Variants in FRMD5 observed in about 807,000 individuals in gnomAD.
FRMD5 encodes the protein FERM domain containing 5.
A neutral mutation model predicts 69.0 loss-of-function variants in FRMD5; 20 were observed. The ratio of observed to expected loss-of-function variants is 0.29; its 90% CI spans 0.20 to 0.42. The LOEUF (loss-of-function observed/expected upper bound fraction) is 0.42. FRMD5 is among the 10% of genes least tolerant of loss of function. The pLI, the probability that FRMD5 is intolerant of heterozygous loss-of-function variation, is 1.00. For missense variants in FRMD5, 595 were observed against 708.6 expected (o/e 0.84, Z 1.82); for synonymous variants, 271 against 260.1 (o/e 1.04, Z -0.40).
intron 4 of FRMD5, among the ~76,000 whole-genome samples, chr15:43,914,723 CTTT>C (rs533023960): frequency 4.6e-5 from 5 of 109,408 alleles, no homozygotes; most frequent in African/African-American, 1.1e-4. Context: ...AGGTGACTAC[CTTT>C]TTTTTTTTTT....
intron 1 of FRMD5, among the ~76,000 whole-genome samples, chr15:44,031,336 C>T (rs988686811): frequency 6.6e-6 from 1 of 152,148 alleles, no homozygotes; most frequent in Non-Finnish European, 1.5e-5. Context: ...TAATGTTTGT[C>T]TTAGTCCATT....
intron 1 of FRMD5, among the ~76,000 whole-genome samples, chr15:44,078,590 C>A (rs1437462569): frequency 6.6e-6 from 1 of 151,852 alleles, no homozygotes; most frequent in East Asian, 1.9e-4. Context: ...ACATATAGAC[C>A]AAAGGAATAA....
At chr15:44,103,065 AGGAGGACACAC>A (rs1368935210) in intron 1 of FRMD5, among the ~76,000 whole-genome samples, 39 of 152,242 alleles carry the variant, frequency 2.6e-4, no homozygotes, top group Admixed American at 2.4e-3. Flanking sequence ...ATTCAAAGAA[AGGAGGACACAC>A]ATGGTCAATT....
chr15:44,022,473 C>T (rs776651518), intron 1 of FRMD5, among the ~76,000 whole-genome samples: 3 of 148,096 alleles, frequency 2.0e-5, no homozygotes, highest in Non-Finnish European at 3.0e-5. Flanking sequence ...ACTCGGGAGG[C>T]TGAGACAGGA....
chr15:43,935,862 T>C (rs1365452727), intron 1 of FRMD5, among the ~76,000 whole-genome samples: 1 of 152,162 alleles, frequency 6.6e-6, no homozygotes, highest in South Asian at 2.1e-4. Context: ...GGCCAAAAAG[T>C]GGATGGAAAA....
chr15:43,897,317 A>G (rs1467581323), intron 7 of FRMD5, among the ~76,000 whole-genome samples: 2 of 151,798 alleles, frequency 1.3e-5, no homozygotes, highest in Non-Finnish European at 1.5e-5. Context: ...GTGAAATTCC[A>G]TCTCTACTAA....
chr15:43,989,658 G>T, intron 1 of FRMD5: 1 of 915,292 alleles, frequency 1.1e-6, no homozygotes, highest in Non-Finnish European at 1.8e-6. Context: ...CACACACGCA[G>T]GATGGCATGG....
At chr15:43,998,390 T>G (rs1258299032) in intron 1 of FRMD5, among the ~76,000 whole-genome samples, 1 of 152,218 alleles carries the variant, frequency 6.6e-6, no homozygotes, top group Non-Finnish European at 1.5e-5. Context: ...AGTTCTCTGA[T>G]GGCAAATCTC....
chr15:44,010,093 G>A (rs1176847517), intron 1 of FRMD5, among the ~76,000 whole-genome samples: 1 of 152,160 alleles, frequency 6.6e-6, no homozygotes, highest in African/African-American at 2.4e-5. Flanking sequence ...CTATTTATAA[G>A]GGAATTATCC....
intron 1 of FRMD5, among the ~76,000 whole-genome samples, chr15:44,187,592 G>C (rs1404195508): frequency 6.7e-6 from 1 of 148,652 alleles, no homozygotes; most frequent in African/African-American, 2.5e-5. Context: ...TTAGGAGACA[G>C]CGTTTCCATC....
At chr15:44,157,063 T>C (rs1221101499) in intron 1 of FRMD5, among the ~76,000 whole-genome samples, 1 of 152,172 alleles carries the variant, frequency 6.6e-6, no homozygotes, top group Non-Finnish European at 1.5e-5. Context: ...TCATTAAAAA[T>C]AGGTCAACCT....
intron 1 of FRMD5, among the ~76,000 whole-genome samples, chr15:44,089,896 GATT>G (rs1484854912): frequency 1.3e-5 from 2 of 152,112 alleles, no homozygotes. Context: ...GAAAGTGGCT[GATT>G]AGGCCTAAGG....
chr15:43,879,146 C>G (rs899151542), intron 13 of FRMD5, among the ~76,000 whole-genome samples: 2 of 151,948 alleles, frequency 1.3e-5, no homozygotes, highest in African/African-American at 4.8e-5. Flanking sequence ...CCATGTTGGC[C>G]AGGCTGGTCT....
chr15:44,104,950 C>T (rs895750396), intron 1 of FRMD5, among the ~76,000 whole-genome samples: 2 of 152,112 alleles, frequency 1.3e-5, no homozygotes, highest in African/African-American at 4.8e-5. Context: ...GGATATACCA[C>T]ACTTTATTTA....
At chr15:44,115,291 TTC>T (rs757098717) in intron 1 of FRMD5, among the ~76,000 whole-genome samples, 14 of 152,240 alleles carry the variant, frequency 9.2e-5, no homozygotes, top group Non-Finnish European at 1.9e-4. Context: ...CAGTAATAAA[TTC>T]TGTTATCAAC....
intron 1 of FRMD5, among the ~76,000 whole-genome samples, chr15:44,150,954 T>C (rs1192876069): frequency 6.6e-6 from 1 of 151,916 alleles, no homozygotes. Flanking sequence ...TAGCCAAGCG[T>C]GGTGGTATGC....
intron 1 of FRMD5, among the ~76,000 whole-genome samples, chr15:44,002,143 T>C (rs1032480305): frequency 2.6e-5 from 4 of 152,142 alleles, no homozygotes; most frequent in African/African-American, 9.7e-5. Flanking sequence ...CCCAGGCCCA[T>C]CTTACCCTTT....
At chr15:43,983,353 A>T (rs2090576628) in intron 1 of FRMD5, among the ~76,000 whole-genome samples, 1 of 152,270 alleles carries the variant, frequency 6.6e-6, no homozygotes, top group Non-Finnish European at 1.5e-5. Context: ...TGTAAACCTT[A>T]ACTTAAATCA....
intron 1 of FRMD5, among the ~76,000 whole-genome samples, chr15:44,139,409 G>GA (rs1300496964): frequency 1.3e-5 from 2 of 149,990 alleles, no homozygotes; most frequent in African/African-American, 4.9e-5. Flanking sequence ...AATAGAAAAA[G>GA]AAAAAAATCA....
Sources: allele counts gnomAD v4.1 joint callset (sites outside exome capture counted in the v4.1 genomes callset), GRCh38; gene constraint gnomAD v4.1.1; transcripts MANE v1.5; gene names NCBI Gene and HGNC (gene_info 2026-07-23, HGNC 2026-07-21).